Variants in PCDH7 observed in about 807,000 individuals in gnomAD.
The protein encoded by PCDH7 is protocadherin 7, also known as protocadherin-7.
In PCDH7, 17 loss-of-function variants were observed where a neutral mutation model predicts 58.9. The ratio of observed to expected loss-of-function variants is 0.29; its 90% CI spans 0.20 to 0.43. The LOEUF (loss-of-function observed/expected upper bound fraction) is 0.43, where lower values mean the gene tolerates loss of function less well. Ranked by LOEUF, PCDH7 falls within the 20% of genes least tolerant of loss-of-function variation. PCDH7 has a pLI of 1.00. For synonymous variants in PCDH7, 664 were observed against 616.4 expected (o/e 1.08, Z -1.14); for missense variants, 1,274 against 1,441.0 (o/e 0.88, Z 1.88).
In PCDH7 at chr4:30,722,600, C is replaced by T. The variant is rs540085194; in HGVS notation, c.1178C>T (p.Pro393Leu). 1 of 1,613,058 alleles carries T rather than the reference C, an allele frequency of 6.2e-7. No individual in the cohort carries two copies. Among genetic ancestry groups the T allele is most frequent in the Non-Finnish European group, 8.5e-7 (1 of 1,180,034 alleles). ...GTCATGGCCCGCGACCGCGGGCAGC[C>T]CCCCAAGACCGACAAGGCCACCGTG... is the stretch of plus-strand genomic sequence containing the variant. The change falls in exon 1 of 2, where the codon CCC becomes CTC. Residue 393 changes from proline (P) to leucine (L), a missense_variant. Pro to Leu is a moderately conservative substitution (Grantham distance 98). This residue lies in a region of PCDH7 where 731 missense variants were observed against 881.9 expected (regional missense o/e 0.83). Coordinates refer to ENST00000361762, the Ensembl canonical transcript of PCDH7. The surrounding 1 kb of genome is among the most constrained non-coding windows in gnomAD (Gnocchi z 7.6).
At chr4:30,730,973 A>C in exon 2 of PCDH7, 3 of 1,277,708 alleles carry the variant, frequency 2.3e-6, no homozygotes, top group Non-Finnish European at 3.0e-6. Flanking sequence ...AAATAAAATA[A>C]ATGTATGAAA....
At chr4:30,872,202 C>T (rs570937943) in intron 1 of PCDH7, among the ~76,000 whole-genome samples, 46 of 152,014 alleles carry the variant, frequency 3.0e-4, no homozygotes, top group Middle Eastern at 3.4e-3. Flanking sequence ...AAATATAAAA[C>T]GAAGCAACTA....
At chr4:30,965,646 A>T (rs529017009) in intron 3 of PCDH7, among the ~76,000 whole-genome samples, 12 of 152,158 alleles carry the variant, frequency 7.9e-5, no homozygotes, top group African/African-American at 2.9e-4. Flanking sequence ...TTCCAGTGCA[A>T]ATTAGGTTTC....
chr4:31,013,828 A>C (rs2109156513), intron 3 of PCDH7, among the ~76,000 whole-genome samples: 1 of 152,252 alleles, frequency 6.6e-6, no homozygotes, highest in African/African-American at 2.4e-5. Flanking sequence ...ATGAGATTTA[A>C]AAAATGTTCC....
chr4:30,913,652 A>C (rs1742060997), intron 1 of PCDH7, among the ~76,000 whole-genome samples: 1 of 152,184 alleles, frequency 6.6e-6, no homozygotes, highest in African/African-American at 2.4e-5. Context: ...ATAATGAATC[A>C]AATGCTCACG....
chr4:30,756,279 G>T (rs922281409), intron 1 of PCDH7, among the ~76,000 whole-genome samples: 1 of 151,898 alleles, frequency 6.6e-6, no homozygotes, highest in African/African-American at 2.4e-5. Flanking sequence ...GTTCATGAGG[G>T]ATCTTCCCTC....
At chr4:30,931,303 T>C (rs5001866) in intron 2 of PCDH7, among the ~76,000 whole-genome samples, 105,604 of 151,996 alleles carry the variant, frequency 0.69, 36,721 homozygotes, top group East Asian at 0.78. Context: ...TGGTCGGGCA[T>C]GGCGGCTCGC....
exon 1 of PCDH7, chr4:30,724,008 C>G: frequency 3.1e-6 from 5 of 1,614,108 alleles, no homozygotes; most frequent in Non-Finnish European, 4.2e-6. Context: ...TCCCACTCAC[C>G]CAGGATATAG....
intron 1 of PCDH7, among the ~76,000 whole-genome samples, chr4:30,782,708 G>A (rs1486928675): frequency 2.0e-5 from 3 of 152,124 alleles, no homozygotes; most frequent in Non-Finnish European, 4.4e-5. Flanking sequence ...GAAGATGTGG[G>A]TAGTCATAGA....
chr4:30,928,981 C>A (rs1319714419), intron 2 of PCDH7, among the ~76,000 whole-genome samples: 4 of 152,066 alleles, frequency 2.6e-5, no homozygotes, highest in Non-Finnish European at 5.9e-5. Flanking sequence ...GCAGCAGAAA[C>A]TAAATCCAGA....
chr4:31,124,214 A>C (rs935250751), intron 3 of PCDH7, among the ~76,000 whole-genome samples: 1 of 152,166 alleles, frequency 6.6e-6, no homozygotes, highest in African/African-American at 2.4e-5. Flanking sequence ...CCTCCTGTCT[A>C]TATCAGTAGT....
chr4:30,867,598 C>G (rs546775332), intron 1 of PCDH7, among the ~76,000 whole-genome samples: 1 of 152,094 alleles, frequency 6.6e-6, no homozygotes, highest in East Asian at 1.9e-4. Context: ...ATTTAGACAT[C>G]CGTGGATTCA....
intron 1 of PCDH7, 185 bp downstream of exon 1, chr4:30,724,781 T>C (rs765345680): frequency 7.1e-7 from 1 of 1,413,352 alleles, no homozygotes; most frequent in Non-Finnish European, 9.2e-7. Flanking sequence ...TACCACTGTA[T>C]TTTGCAAATT....
chr4:30,769,825 C>A (rs1029404852), intron 1 of PCDH7, among the ~76,000 whole-genome samples: 4 of 152,106 alleles, frequency 2.6e-5, no homozygotes, highest in Non-Finnish European at 5.9e-5. Context: ...ATTCAGATAG[C>A]TTTATTATTA....
intron 3 of PCDH7, among the ~76,000 whole-genome samples, chr4:31,040,559 G>A (rs920481807): frequency 9.9e-5 from 15 of 151,976 alleles, no homozygotes; most frequent in African/African-American, 9.7e-5. Context: ...ATTTCATTTC[G>A]GTATATAGGG....
chr4:30,886,694 T>C (rs1375159471), intron 1 of PCDH7, among the ~76,000 whole-genome samples: 1 of 151,516 alleles, frequency 6.6e-6, no homozygotes, highest in East Asian at 2.0e-4. Context: ...TGCGGCATTA[T>C]TCACAATAGC....
At chr4:30,865,638 C>G (rs190760698) in intron 1 of PCDH7, among the ~76,000 whole-genome samples, 464 of 152,132 alleles carry the variant, frequency 3.0e-3, no homozygotes, top group Non-Finnish European at 4.9e-3. Flanking sequence ...TAATAATTTA[C>G]AGTGTTTTTT....
At chr4:31,004,443 C>T (rs149544527) in intron 3 of PCDH7, among the ~76,000 whole-genome samples, 44 of 152,248 alleles carry the variant, frequency 2.9e-4, no homozygotes, top group African/African-American at 9.4e-4. Context: ...GGCGTGGTGG[C>T]TTACACCTGT....
intron 1 of PCDH7, among the ~76,000 whole-genome samples, chr4:30,760,602 C>A (rs935121251): frequency 6.6e-6 from 1 of 152,010 alleles, no homozygotes; most frequent in Admixed American, 6.6e-5. Context: ...ACAATTGCCA[C>A]AAAGAGAATA....
Sources: gnomAD v4.1 joint callset for allele counts (sites outside exome capture counted in the v4.1 genomes callset) on GRCh38, gnomAD v4.1.1 for gene constraint, gnomAD v4.1.1 regional missense constraint, Gnocchi (gnomAD v3.1) non-coding constraint, MANE v1.5 for transcripts, NCBI Gene and HGNC (gene_info 2026-07-23, HGNC 2026-07-21) for gene names.